Variants in BIRC6 observed in about 807,000 individuals in gnomAD.
The protein encoded by BIRC6 is dual E2 ubiquitin-conjugating enzyme/E3 ubiquitin-protein ligase BIRC6.
In BIRC6, 98 loss-of-function variants were observed where a neutral mutation model predicts 503.3. The observed-to-expected ratio is 0.19, with a 90% CI of 0.17 to 0.23. The LOEUF (loss-of-function observed/expected upper bound fraction) is 0.23. Ranked by LOEUF, BIRC6 falls within the 10% of genes least tolerant of loss-of-function variation. BIRC6 has a pLI of 1.00. For missense variants in BIRC6, 5,360 were observed against 5,806.0 expected (o/e 0.92, Z 2.50); for synonymous variants, 2,240 against 2,078.7 (o/e 1.08, Z -2.11).
chr2:32,504,019 G>C (rs945938377), intron 49 of BIRC6, among the ~76,000 whole-genome samples: 28 of 96,370 alleles, frequency 2.9e-4, no homozygotes, highest in Non-Finnish European at 4.6e-4. Flanking sequence ...ACTGGGGCGG[G>C]GGGTGGGGGG....
chr2:32,441,640 T>G (rs964861475), intron 17 of BIRC6, among the ~76,000 whole-genome samples, 178 bp downstream of exon 17: 1 of 152,204 alleles, frequency 6.6e-6, no homozygotes, highest in South Asian at 2.1e-4. Flanking sequence ...TTGGTTTATC[T>G]CTAGTGTCCG....
chr2:32,572,339 T>C (rs1033375413), intron 65 of BIRC6, among the ~76,000 whole-genome samples: 2 of 152,252 alleles, frequency 1.3e-5, no homozygotes, highest in East Asian at 1.9e-4. Context: ...CCCACTATTA[T>C]TGTATTACTG....
At chr2:32,473,956 T>G (rs1489565104) in intron 33 of BIRC6, among the ~76,000 whole-genome samples, 1 of 151,788 alleles carries the variant, frequency 6.6e-6, no homozygotes, top group Non-Finnish European at 1.5e-5. Context: ...GGGGTCTCGC[T>G]TTGTTGCCCA....
At chr2:32,425,850 G>A (rs543331965) in intron 10 of BIRC6, among the ~76,000 whole-genome samples, 2 of 152,280 alleles carry the variant, frequency 1.3e-5, no homozygotes, top group East Asian at 3.9e-4. Flanking sequence ...CCTATATATT[G>A]GGAAGAGAAG....
Position 32,617,849 on chromosome 2 carries a change from A to C in BIRC6, c.14519A>C (p.His4840Pro). The stretch of plus-strand genomic sequence containing the variant: ...ACAGGTGCTGAGGAGACTCTAATGC[A>C]TGATCAGGTTAAACCCAGCAGCAGC... Reference protein sequence around the residue: ...ATTGAEETLMHDQVKPSSSKE... With the variant: ...ATTGAEETLMPDQVKPSSSKE... Residue 4840 changes from histidine (H) to proline (P), a missense_variant, in exon 74 of 74, where the codon CAT becomes CCT. Transcript: ENST00000421745. 8 of 1,614,006 alleles carry C rather than the reference A, an allele frequency of 5.0e-6. No individual in the cohort carries two copies. Among genetic ancestry groups the C allele is most frequent in the Non-Finnish European group, 6.8e-6 (8 of 1,179,866 alleles).
chr2:32,382,264 C>T (rs2037777142), intron 3 of BIRC6, among the ~76,000 whole-genome samples: 2 of 152,194 alleles, frequency 1.3e-5, no homozygotes, highest in African/African-American at 4.8e-5. Flanking sequence ...CGTTGCAAAA[C>T]TGGGACTCAG....
intron 8 of BIRC6, among the ~76,000 whole-genome samples, chr2:32,404,597 A>G (rs976832519): frequency 6.6e-6 from 1 of 152,168 alleles, no homozygotes; most frequent in Non-Finnish European, 1.5e-5. Context: ...TATAGGTGTG[A>G]GCCACTGCAT....
At chr2:32,398,335 A>G (rs976955723) in intron 6 of BIRC6, among the ~76,000 whole-genome samples, 1 of 152,178 alleles carries the variant, frequency 6.6e-6, no homozygotes, top group Non-Finnish European at 1.5e-5. Context: ...TGCTATGTTC[A>G]TATAATAGAC....
Position 32,415,400 on chromosome 2 carries a change from T to A in BIRC6, c.2109T>A (p.Ser703=). 6.2e-7 allele frequency: 1 copy of A among 1,614,034 alleles called. No homozygotes were observed. The highest frequency in any genetic ancestry group is 8.5e-7 in the Non-Finnish European group (1 of 1,179,884). ...DAAANLTSPD[S]EKWNSVFPKP... Reference sequence around the variant, plus strand: ...CAGCCAACCTTACCTCTCCGGATTCTGAGAAGTGGAACTCTGTGTTTCCCA... The same window carrying A: ...CAGCCAACCTTACCTCTCCGGATTCAGAGAAGTGGAACTCTGTGTTTCCCA... The change falls in exon 10 of 74, where the codon TCT becomes TCA. Residue 703 remains serine, a synonymous_variant. Coordinates refer to ENST00000421745, the MANE Select transcript of BIRC6 (RefSeq NM_016252.4).
At position 32,491,493 on chromosome 2, in the gene BIRC6, A is replaced by T; in HGVS notation, c.8275A>T (p.Ile2759Phe). 6.2e-7 allele frequency: 1 copy of T among 1,613,480 alleles called. No homozygotes were observed. Among genetic ancestry groups the T allele is most frequent in the African/African-American group, 1.3e-5 (1 of 75,020 alleles). ...TTTGTTGGTTTCAGATCCAAACCTA[A>T]TTCATGTATTAGTGAAATTTCTTTC... ...AHLLVSDPNL[I>F]HVLVKFLSGT... is the part of the protein sequence containing the mutation. Residue 2759 changes from isoleucine to phenylalanine, a missense_variant, in exon 44 of 74, where the codon ATT (isoleucine) becomes TTT (phenylalanine). By Grantham distance (21) the Ile-to-Phe change is conservative (BLOSUM62 0). This residue lies in a region of BIRC6 where 2,299 missense variants were observed against 2,267.2 expected (regional missense o/e 1.01). Transcript: ENST00000421745.
At chr2:32,553,475 CCT>C (rs757827919) in intron 65 of BIRC6, among the ~76,000 whole-genome samples, 31 of 152,044 alleles carry the variant, frequency 2.0e-4, no homozygotes, top group Middle Eastern at 3.4e-3. Flanking sequence ...GCAACCTCCG[CCT>C]CTCGGGTTCA....
intron 1 of BIRC6, among the ~76,000 whole-genome samples, chr2:32,362,661 C>T (rs990082668): frequency 6.6e-6 from 1 of 152,020 alleles, no homozygotes; most frequent in Admixed American, 6.6e-5. Context: ...ACCACTTGAC[C>T]ATACTGTTCA....
chr2:32,583,043 TAC>T (rs1407549652), intron 66 of BIRC6, among the ~76,000 whole-genome samples: 24 of 152,214 alleles, frequency 1.6e-4, no homozygotes, highest in Middle Eastern at 3.2e-3. Context: ...ATTAATCTCT[TAC>T]AGTTTGGTGC....
At chr2:32,538,570 A>G (rs1002187624) in intron 61 of BIRC6, among the ~76,000 whole-genome samples, 2 of 152,242 alleles carry the variant, frequency 1.3e-5, no homozygotes, top group African/African-American at 4.8e-5. Context: ...CGTATCTGCT[A>G]AACAAAACTA....
chr2:32,519,951 A>G (rs568041937), intron 57 of BIRC6, among the ~76,000 whole-genome samples: 1 of 152,360 alleles, frequency 6.6e-6, no homozygotes, highest in African/African-American at 2.4e-5. Context: ...CAAGACACAC[A>G]TTCCACCTCA....
chr2:32,572,059 A>G (rs2059950840), intron 65 of BIRC6, among the ~76,000 whole-genome samples: 1 of 152,082 alleles, frequency 6.6e-6, no homozygotes. Context: ...ATTGTTTTCT[A>G]GCTTTATTCC....
intron 1 of BIRC6, among the ~76,000 whole-genome samples, chr2:32,365,819 T>C (rs1165213586): frequency 6.6e-6 from 1 of 151,986 alleles, no homozygotes; most frequent in African/African-American, 2.4e-5. Flanking sequence ...ATTGAGAAAA[T>C]ATTGTAAAAA....
chr2:32,610,142 G>C (rs1273860953), intron 72 of BIRC6, among the ~76,000 whole-genome samples: 2 of 152,140 alleles, frequency 1.3e-5, no homozygotes, highest in African/African-American at 4.8e-5. Flanking sequence ...ATTAAATGTG[G>C]TGGGATCGTA....
At chr2:32,410,989 C>T (rs1017167740) in intron 9 of BIRC6, among the ~76,000 whole-genome samples, 7 of 152,060 alleles carry the variant, frequency 4.6e-5, no homozygotes, top group Middle Eastern at 3.2e-3. Flanking sequence ...CGTGAGCCAC[C>T]GCGCCCAGCC....
Sources: gnomAD v4.1 joint callset for allele counts (sites outside exome capture counted in the v4.1 genomes callset) on GRCh38, gnomAD v4.1.1 for gene constraint, gnomAD v4.1.1 regional missense constraint, MANE v1.5 for transcripts, NCBI Gene and HGNC (gene_info 2026-07-23, HGNC 2026-07-21) for gene names.